Variants in SDK1 observed in about 807,000 individuals in gnomAD.
The protein encoded by SDK1 is protein sidekick-1.
A neutral mutation model predicts 245.5 loss-of-function variants in SDK1; 157 were observed. The ratio of observed to expected loss-of-function variants is 0.64; its 90% CI spans 0.56 to 0.73. The LOEUF is 0.73. Ranked by LOEUF, SDK1 falls within the 30% of genes least tolerant of loss-of-function variation. SDK1 has a pLI of 0.00. For missense variants in SDK1, 3,583 were observed against 3,002.3 expected (o/e 1.19, Z -4.52); for synonymous variants, 1,647 against 1,278.5 (o/e 1.29, Z -6.15).
At chr7:3,315,456 A>G (rs1383471044) in intron 1 of SDK1, among the ~76,000 whole-genome samples, 3 of 152,288 alleles carry the variant, frequency 2.0e-5, no homozygotes, top group Middle Eastern at 3.4e-3. Flanking sequence ...CCACATGAAC[A>G]GCCCTTCCTG....
intron 1 of SDK1, among the ~76,000 whole-genome samples, chr7:3,610,974 C>A (rs1008709053): frequency 1.3e-5 from 2 of 152,180 alleles, no homozygotes; most frequent in East Asian, 3.9e-4. Flanking sequence ...GTGGTGAGAT[C>A]AAGGAATACG....
At chr7:3,906,056 G>T (rs756157729) in intron 5 of SDK1, among the ~76,000 whole-genome samples, 1 of 151,694 alleles carries the variant, frequency 6.6e-6, no homozygotes, top group Non-Finnish European at 1.5e-5. Flanking sequence ...CCCATTCATC[G>T]TTTCTGTCTC....
At chr7:3,934,299 A>G (rs1454621082) in intron 5 of SDK1, among the ~76,000 whole-genome samples, 1 of 152,140 alleles carries the variant, frequency 6.6e-6, no homozygotes, top group African/African-American at 2.4e-5. Flanking sequence ...CTGTGTTCAA[A>G]CCATTTGTTA....
At chr7:4,229,255 G>C (rs762410573) in intron 40 of SDK1, among the ~76,000 whole-genome samples, 1 of 152,044 alleles carries the variant, frequency 6.6e-6, no homozygotes, top group Non-Finnish European at 1.5e-5. Flanking sequence ...TCGTGATCGT[G>C]GTGTAAATAT....
At chr7:4,007,012 G>A (rs1785532808) in intron 14 of SDK1, among the ~76,000 whole-genome samples, 1 of 152,220 alleles carries the variant, frequency 6.6e-6, no homozygotes, top group Non-Finnish European at 1.5e-5. Context: ...CCTCTTGACT[G>A]TCTCTTTCTG....
Position 3,535,853 on chromosome 7 carries a change from T to A in SDK1, c.299-83227T>A, listed in dbSNP as rs971539267. Among the ~76,000 whole-genome samples the A allele has an allele frequency of 6.6e-5, 10 of 152,260 alleles. No individual in the cohort carries two copies. In the East Asian group the frequency reaches 1.9e-3, roughly 29 times the overall value. ...GATATTCTCATCCATGTGTCAATAT[T>A]TGCACATAAATCATTATCCAGGCAC... On this transcript the variant is annotated intron_variant, in intron 1 of 44. Coordinates refer to ENST00000404826, the MANE Select transcript of SDK1 (RefSeq NM_152744.4).
At chr7:3,937,958 C>A (rs891789153) in intron 5 of SDK1, among the ~76,000 whole-genome samples, 3 of 152,138 alleles carry the variant, frequency 2.0e-5, no homozygotes, top group African/African-American at 4.8e-5. Context: ...CTGTCTCAGC[C>A]TTCTGAGTAA....
intron 1 of SDK1, among the ~76,000 whole-genome samples, chr7:3,316,079 G>A (rs1330883147): frequency 6.6e-6 from 1 of 152,098 alleles, no homozygotes; most frequent in Non-Finnish European, 1.5e-5. Context: ...TCAAGTTAAT[G>A]GTAGATGGTA....
intron 13 of SDK1, among the ~76,000 whole-genome samples, chr7:3,975,035 A>C (rs1390593329): frequency 6.6e-6 from 1 of 152,058 alleles, no homozygotes; most frequent in African/African-American, 2.4e-5. Flanking sequence ...GTCTTGTGAA[A>C]TCTTGAAAAC....
intron 28 of SDK1, among the ~76,000 whole-genome samples, chr7:4,135,566 C>G (rs1414039041): frequency 2.0e-5 from 3 of 152,224 alleles, no homozygotes; most frequent in Non-Finnish European, 4.4e-5. Context: ...AACACTGCAT[C>G]ACGGACAAGT....
intron 1 of SDK1, among the ~76,000 whole-genome samples, chr7:3,411,269 A>C (rs752388292): frequency 1.3e-5 from 2 of 152,184 alleles, no homozygotes; most frequent in Non-Finnish European, 2.9e-5. Context: ...GGTTGATGCT[A>C]TCAAGTGCTG....
intron 4 of SDK1, among the ~76,000 whole-genome samples, chr7:3,662,041 A>ATTTTTTTTTTTTTTTTTTTTTT (rs572659449): frequency 8.0e-6 from 1 of 125,776 alleles, no homozygotes. Flanking sequence ...CAACGGTTGT[A>ATTTTTTTTTTTTTTTTTTTTTT]TTTTTTTTTT....
intron 30 of SDK1, among the ~76,000 whole-genome samples, chr7:4,153,055 G>A (rs1191550253): frequency 2.6e-5 from 4 of 152,026 alleles, no homozygotes; most frequent in Non-Finnish European, 5.9e-5. Flanking sequence ...GTGGCTGTGC[G>A]GGCTCAGGGG....
chr7:3,846,214 ACAG>A (rs1229045919), intron 5 of SDK1, among the ~76,000 whole-genome samples: 5 of 152,130 alleles, frequency 3.3e-5, no homozygotes, highest in African/African-American at 1.2e-4. Context: ...ACACACACAC[ACAG>A]GCAAGGAAAA....
chr7:3,606,102 A>G (rs561547039), intron 1 of SDK1, among the ~76,000 whole-genome samples: 8 of 152,302 alleles, frequency 5.3e-5, no homozygotes, highest in African/African-American at 1.7e-4. Context: ...CCTAAGTTCA[A>G]CACTGAGCTC....
At chr7:3,778,229 C>G (rs879224534) in intron 4 of SDK1, among the ~76,000 whole-genome samples, 7 of 151,630 alleles carry the variant, frequency 4.6e-5, no homozygotes, top group African/African-American at 1.5e-4. Context: ...TCATTTGAAG[C>G]TGGAGGTTTT....
intron 1 of SDK1, among the ~76,000 whole-genome samples, chr7:3,415,378 G>T (rs1321261857): frequency 6.6e-6 from 1 of 152,110 alleles, no homozygotes; most frequent in East Asian, 1.9e-4. Flanking sequence ...GTAGAGAAGT[G>T]TGTAGAGAAG....
At position 4,152,161 on chromosome 7, in the gene SDK1, C is replaced by T. The variant is rs568088323; in HGVS notation, c.4625+2698C>T. On this transcript the variant is annotated intron_variant, in intron 30 of 44. Transcript: ENST00000404826. ...AGGTTTGCCTCATTGCTGACCGCCA[C>T]GGAACTGGCAGCCAAGAAATAAGGC... Among the ~76,000 whole-genome samples the T allele has an allele frequency of 4.0e-4, 61 of 152,324 alleles. 1 individual carries two copies. The highest frequency in any genetic ancestry group is 1.3e-3 in the African/African-American group (54 of 41,562).
chr7:3,609,853 A>G (rs919292805), intron 1 of SDK1, among the ~76,000 whole-genome samples: 1 of 152,072 alleles, frequency 6.6e-6, no homozygotes, highest in African/African-American at 2.4e-5. Flanking sequence ...CGCACACACC[A>G]TCATGCCCAG....
Sources: allele counts gnomAD v4.1 joint callset (sites outside exome capture counted in the v4.1 genomes callset), GRCh38; gene constraint gnomAD v4.1.1; transcripts MANE v1.5; gene names NCBI Gene and HGNC (gene_info 2026-07-23, HGNC 2026-07-21).